CSE1L: variants seen among roughly 807,000 people sequenced by gnomAD.
CSE1L encodes chromosome segregation 1 like.
In CSE1L, 24 loss-of-function variants were observed where a neutral mutation model predicts 120.4. That is an observed-to-expected ratio of 0.20 (90% CI 0.14 to 0.28). CSE1L has a LOEUF of 0.28. Among genes scored for constraint, CSE1L ranks in the 10% least tolerant of loss-of-function variants. CSE1L has a pLI of 1.00. For synonymous variants in CSE1L, 402 were observed against 398.3 expected (o/e 1.01, Z -0.11); for missense variants, 830 against 1,145.2 (o/e 0.72, Z 3.97).
chr20:49,074,222 C>CT (rs200689109), intron 10 of CSE1L, among the ~76,000 whole-genome samples: 118,170 of 121,086 alleles, frequency 0.98, 57,666 homozygotes, highest in South Asian at 0.99. Context: ...TGTGTGTAGA[C>CT]TTTTTTTTTT....
chr20:49,087,966 TTAAC>T (rs1179899661), intron 16 of CSE1L, 39 bp from the exon 17 acceptor site: 5 of 1,380,096 alleles, frequency 3.6e-6, no homozygotes, highest in Non-Finnish European at 5.0e-6. Flanking sequence ...ATTCTGAAGT[TTAAC>T]TAAACTCTAT....
chr20:49,081,596 C>T (rs148642527), intron 14 of CSE1L, among the ~76,000 whole-genome samples: 2,031 of 152,250 alleles, frequency 0.013, 38 homozygotes, highest in Middle Eastern at 0.027. Context: ...TTCAGTTAAG[C>T]ATCTTTCCAC....
At chr20:49,067,559 A>G (rs930996109) in intron 6 of CSE1L, among the ~76,000 whole-genome samples, 2 of 152,122 alleles carry the variant, frequency 1.3e-5, no homozygotes, top group Non-Finnish European at 2.9e-5. Flanking sequence ...TCACCCAAGT[A>G]TTTTAAAGTA....
At chr20:49,082,994 CTGTT>C (rs757721170) in intron 14 of CSE1L, among the ~76,000 whole-genome samples, 2 of 151,382 alleles carry the variant, frequency 1.3e-5, no homozygotes, top group African/African-American at 4.9e-5. Context: ...TACATCATGA[CTGTT>C]TGTCCTTAAC....
rs758772975 is a variant in CSE1L at position 49,058,527 on chromosome 20, G to C, written c.64G>C (p.Asp22His). The change falls in exon 2 of 25, where the codon GAT becomes CAT. Residue 22 changes from aspartate (D) to histidine (H), a missense_variant. Coordinates refer to ENST00000262982, the MANE Select transcript of CSE1L (RefSeq NM_001316.4). Reference sequence around the variant, plus strand: ...ATATTTAAAGAAAACACTTGATCCTGATCCTGCCATCCGACGTCCAGGTAA... The same window carrying C: ...ATATTTAAAGAAAACACTTGATCCTCATCCTGCCATCCGACGTCCAGGTAA... ...TEYLKKTLDPDPAIRRPAEKF... is the reference protein window; with the variant it reads ...TEYLKKTLDPHPAIRRPAEKF... The C allele has an allele frequency of 6.2e-7, 1 of 1,613,450 alleles. No individual in the cohort carries two copies. The highest frequency in any genetic ancestry group is 2.2e-5 in the East Asian group (1 of 44,844).
At chr20:49,094,387 T>C in intron 23 of CSE1L, 101 bp downstream of exon 23, 1 of 1,141,592 alleles carries the variant, frequency 8.8e-7, no homozygotes. Context: ...AGAATCTTGG[T>C]CTGATCTCAG....
Position 49,088,020 on chromosome 20 carries a change from A to C in CSE1L, c.1735A>C (p.Ser579Arg). 6.2e-7 allele frequency: 1 copy of C among 1,603,490 alleles called. No individual in the cohort carries two copies. Among genetic ancestry groups the C allele is most frequent in the Non-Finnish European group, 8.5e-7 (1 of 1,174,062 alleles). ...TTTGTATTTTACAGCTATCATGAGA[A>C]GTTTTTCTCTCCTACAAGAAGCCAT... Reference protein sequence around the residue: ...NEYIMKAIMRSFSLLQEAIIP... With the variant: ...NEYIMKAIMRRFSLLQEAIIP... The change falls in exon 17 of 25, where the codon AGT becomes CGT. Residue 579 changes from serine (S) to arginine (R), a missense_variant. Coordinates refer to ENST00000262982, the MANE Select transcript of CSE1L (RefSeq NM_001316.4).
chr20:49,065,844 T>C (rs1292168627), intron 3 of CSE1L, among the ~76,000 whole-genome samples: 4 of 152,140 alleles, frequency 2.6e-5, no homozygotes, highest in African/African-American at 9.7e-5. Flanking sequence ...TCCACCTGCC[T>C]TGGCCTCTCA....
chr20:49,047,150 C>A (rs1486006323), intron 1 of CSE1L, among the ~76,000 whole-genome samples: 1 of 152,120 alleles, frequency 6.6e-6, no homozygotes, highest in Non-Finnish European at 1.5e-5. Context: ...AATTAGATCG[C>A]CTGGGTTCAT....
intron 8 of CSE1L, among the ~76,000 whole-genome samples, chr20:49,071,537 G>T (rs748880883): frequency 3.3e-5 from 5 of 152,150 alleles, no homozygotes; most frequent in Non-Finnish European, 7.4e-5. Context: ...AGGCTGGAGT[G>T]CAGTGGCATG....
Position 49,094,801 on chromosome 20 carries a change from A to T in CSE1L, c.2664A>T (p.Glu888Asp). The T allele has an allele frequency of 6.2e-7, 1 of 1,614,058 alleles. No individual in the cohort carries two copies. Among genetic ancestry groups the T allele is most frequent in the Non-Finnish European group, 8.5e-7 (1 of 1,179,980 alleles). ...AAGATGATACCATTCCTGATGAGGA[A>T]CATTTTATTGACATAGAAGATACAC... ...LPEDDTIPDEEHFIDIEDTPG... is the reference protein window; with the variant it reads ...LPEDDTIPDEDHFIDIEDTPG... Residue 888 changes from glutamate (E) to aspartate (D), a missense_variant, in exon 24 of 25, where the codon GAA becomes GAT. Coordinates refer to ENST00000262982, the MANE Select transcript of CSE1L (RefSeq NM_001316.4).
chr20:49,089,992 G>GTCCAACTAATT (rs2092088550), intron 19 of CSE1L, among the ~76,000 whole-genome samples: 1 of 152,022 alleles, frequency 6.6e-6, no homozygotes, highest in Non-Finnish European at 1.5e-5. Context: ...GGACACAGTG[G>GTCCAACTAATT]AGCATGCCTG....
intron 3 of CSE1L, among the ~76,000 whole-genome samples, chr20:49,063,940 C>T (rs1053391069): frequency 1.3e-5 from 2 of 152,166 alleles, no homozygotes; most frequent in African/African-American, 2.4e-5. Flanking sequence ...TATTTTATAA[C>T]AGGTTTAATG....
rs538732621 is a variant in CSE1L, at chr20:49,080,249, T to G, written c.1482+1627T>G. Among the ~76,000 whole-genome samples the G allele has an allele frequency of 1.9e-3, 284 of 151,568 alleles. 1 individual carries two copies. The highest frequency in any genetic ancestry group is 0.01 in the Middle Eastern group (3 of 292). On this transcript the variant is annotated intron_variant, in intron 14 of 24. Coordinates refer to ENST00000262982, the MANE Select transcript of CSE1L (RefSeq NM_001316.4). Reference sequence around the variant, plus strand: ...AGGATATACACAATATCTGGTTGTTTTGTTTTTTTTTATTTTTTTTGTTTT... The same window carrying G: ...AGGATATACACAATATCTGGTTGTTGTGTTTTTTTTTATTTTTTTTGTTTT...
chr20:49,075,331 A>G lies in CSE1L; in HGVS notation c.1146A>G (p.Arg382=). The G allele has an allele frequency of 6.2e-7, 1 of 1,613,362 alleles. No homozygotes were observed. The highest frequency in any genetic ancestry group is 8.5e-7 in the Non-Finnish European group (1 of 1,179,656). ...TTCATTTCATAGATATTGATACTAGACGCAGGGCTGCTTGTGATCTGGTAC... is the reference window on the plus strand; with the variant it reads ...TTCATTTCATAGATATTGATACTAGGCGCAGGGCTGCTTGTGATCTGGTAC... ...RDLEGSDIDT[R]RRAACDLVRG... Residue 382 remains arginine (R), a synonymous_variant, in exon 12 of 25, where the codon AGA becomes AGG. Transcript: ENST00000262982.
chr20:49,058,943 A>C (rs1334638043), intron 2 of CSE1L, among the ~76,000 whole-genome samples: 1 of 152,090 alleles, frequency 6.6e-6, no homozygotes, highest in Non-Finnish European at 1.5e-5. Flanking sequence ...CATCCTGGCT[A>C]ACACGGTGAA....
At chr20:49,078,198 C>T (rs1208065398) in intron 13 of CSE1L, among the ~76,000 whole-genome samples, 1 of 152,168 alleles carries the variant, frequency 6.6e-6, no homozygotes, top group Non-Finnish European at 1.5e-5. Context: ...CTATTCCTTT[C>T]ATTAATTTAT....
intron 1 of CSE1L, among the ~76,000 whole-genome samples, chr20:49,050,662 C>T (rs752404638): frequency 6.6e-6 from 1 of 151,514 alleles, no homozygotes; most frequent in Non-Finnish European, 1.5e-5. Flanking sequence ...CCGCCTGCTT[C>T]GGCCTCCCAA....
In CSE1L at chr20:49,085,403, G is replaced by A. The variant is rs2092047407; in HGVS notation, c.1723+17G>A. Reference sequence around the variant, plus strand: ...TTATGAAAGGTAGGCTGTTTCCCTGGTGTGCAGACTACAGGTATCCAATCT... The same window carrying A: ...TTATGAAAGGTAGGCTGTTTCCCTGATGTGCAGACTACAGGTATCCAATCT... On this transcript the variant is annotated intron_variant, in intron 16 of 24. Transcript: ENST00000262982. 1 of 1,570,118 alleles carries A rather than the reference G, an allele frequency of 6.4e-7. No individual in the cohort carries two copies. The highest frequency in any genetic ancestry group is 8.8e-7 in the Non-Finnish European group (1 of 1,140,388).
Sources: allele counts gnomAD v4.1 joint callset (sites outside exome capture counted in the v4.1 genomes callset), GRCh38; gene constraint gnomAD v4.1.1; transcripts MANE v1.5; gene names NCBI Gene and HGNC (gene_info 2026-07-23, HGNC 2026-07-21).